The following DHX16 variants were observed in gnomAD, a reference collection of about 807,000 sequenced individuals.
The protein encoded by DHX16 is pre-mRNA-splicing factor ATP-dependent RNA helicase DHX16.
A neutral mutation model predicts 131.2 loss-of-function variants in DHX16; 81 were observed. The ratio of observed to expected loss-of-function variants is 0.62; its 90% CI spans 0.52 to 0.74. The LOEUF is 0.74. Ranked by LOEUF, DHX16 falls within the 30% of genes least tolerant of loss-of-function variation. DHX16 has a pLI of 0.00. For synonymous variants in DHX16, 440 were observed against 520.2 expected (o/e 0.85, Z 2.10); for missense variants, 980 against 1,363.1 (o/e 0.72, Z 4.43).
rs1486266247 is a variant in DHX16, at chr6:30,665,047, A to G, written c.1125+24T>C. On this transcript the variant is annotated intron_variant, in intron 6 of 19. Transcript: ENST00000376442. The surrounding 1 kb of genome is among the most constrained non-coding windows in gnomAD (Gnocchi z 4.8). ...ATAGCTCGCTACGGGTCTTCCTCAG[A>G]AAGTCTCCCAGCTCCCCTCTTACCT... is the stretch of plus-strand genomic sequence containing the variant. 21 of 1,613,852 alleles carry G rather than the reference A, an allele frequency of 1.3e-5. No individual in the cohort carries two copies. Among genetic ancestry groups the G allele is most frequent in the East Asian group, 2.2e-5 (1 of 44,876 alleles).
At position 30,665,084 on chromosome 6, in the gene DHX16, A is replaced by T. The variant is rs1399312321; in HGVS notation, c.1112T>A (p.Leu371His). ...ETIEFVRATQ[L>H]QGDEEPSAPP... ...CTCCCCTCTTACCTCATCACCCTGGAGCTGAGTGGCCCGGACAAACTCAAT... is the reference window on the plus strand; with the variant it reads ...CTCCCCTCTTACCTCATCACCCTGGTGCTGAGTGGCCCGGACAAACTCAAT... The change falls in exon 6 of 20, where the codon CTC becomes CAC. Residue 371 changes from leucine to histidine, a missense_variant. This residue lies in a region of DHX16 where 457 missense variants were observed against 554.8 expected (regional missense o/e 0.82). Transcript: ENST00000376442. This position sits in a 1 kb window ranked among gnomAD's most constrained non-coding sequence, Gnocchi z 4.8. 1.9e-6 allele frequency: 3 copies of T among 1,613,888 alleles called. No homozygotes were observed. In the Admixed American group the frequency reaches 5.0e-5, roughly 27 times the overall value.
Position 30,655,215 on chromosome 6 carries a change from C to T in DHX16, c.2783G>A (p.Gly928Asp). The T allele has an allele frequency of 6.2e-7, 1 of 1,614,174 alleles. No individual in the cohort carries two copies. The highest frequency in any genetic ancestry group is 8.5e-7 in the Non-Finnish European group (1 of 1,180,030). ...ATAGTCCCCCTGGCAGGAACTGAGA[C>T]CAACTTCCACACGTTCCAAGAGCCC... ...LEGLLERVEV[G>D]LSSCQGDYIR... The change falls in exon 18 of 20, where the codon GGT becomes GAT. Residue 928 changes from glycine (G) to aspartate (D), a missense_variant. Physicochemically the swap from Gly to Asp is moderately conservative, Grantham distance 94. This residue lies in a region of DHX16 where 214 missense variants were observed against 271.2 expected (regional missense o/e 0.79). Transcript: ENST00000376442.
chr6:30,672,271 ATC>A (rs1227859797), intron 1 of DHX16, among the ~76,000 whole-genome samples: 3 of 151,520 alleles, frequency 2.0e-5, no homozygotes, highest in Non-Finnish European at 4.4e-5. Flanking sequence ...GTGAGCCGTG[ATC>A]TTACGACCGC....
At chr6:30,660,367 G>A (rs935463155) in intron 9 of DHX16, 125 bp from the exon 10 acceptor site, 31 of 777,872 alleles carry the variant, frequency 4.0e-5, no homozygotes, top group Admixed American at 3.3e-4. Flanking sequence ...TTGACGGAGG[G>A]GGCTCTAAGG....
chr6:30,656,507 T>A lies in DHX16; in HGVS notation c.2314A>T (p.Ile772Phe). ...AAATCAAAGTGCATTAGGTCATGGA[T>A]CCCTAGAAAGAGGTGTGATGGATGG... ...NVVLLLKSLG[I>F]HDLMHFDFLD... Residue 772 changes from isoleucine (I) to phenylalanine (F), a missense_variant and splice_region_variant, in exon 15 of 20, where the codon ATC becomes TTC. This residue lies in a region of DHX16 where 309 missense variants were observed against 537.1 expected (regional missense o/e 0.58). Transcript: ENST00000376442. This position sits in a 1 kb window ranked among gnomAD's most constrained non-coding sequence, Gnocchi z 5.1. The A allele has an allele frequency of 6.2e-7, 1 of 1,614,100 alleles. No individual in the cohort carries two copies. The highest frequency in any genetic ancestry group is 8.5e-7 in the Non-Finnish European group (1 of 1,179,984).
Position 30,665,065 on chromosome 6 carries a change from T to C in DHX16, c.1125+6A>G. On this transcript the variant is annotated splice_donor_region_variant and intron_variant, in intron 6 of 19. Coordinates refer to ENST00000376442, the MANE Select transcript of DHX16 (RefSeq NM_003587.5). This position sits in a 1 kb window ranked among gnomAD's most constrained non-coding sequence, Gnocchi z 4.8. The stretch of plus-strand genomic sequence containing the variant: ...TCCTCAGAAAGTCTCCCAGCTCCCC[T>C]CTTACCTCATCACCCTGGAGCTGAG... The C allele has an allele frequency of 6.2e-7, 1 of 1,613,942 alleles. No homozygotes were observed.
At position 30,671,276 on chromosome 6, in the gene DHX16, T is replaced by C; in HGVS notation, c.208-2A>G. 6.2e-7 allele frequency: 1 copy of C among 1,612,384 alleles called. No individual in the cohort carries two copies. On this transcript the variant is annotated splice_acceptor_variant, in intron 1 of 19. Coordinates refer to ENST00000376442, the MANE Select transcript of DHX16 (RefSeq NM_003587.5). LOFTEE classifies it high-confidence loss of function. Reference sequence around the variant, plus strand: ...TTCTACCACTGCCTTTCGTGGTACCTGTCAGTAGAGGGGAAGATAAGGAGG... The same window carrying C: ...TTCTACCACTGCCTTTCGTGGTACCCGTCAGTAGAGGGGAAGATAAGGAGG...
At chr6:30,661,720 T>C (rs978189251) in intron 9 of DHX16, 6 of 715,900 alleles carry the variant, frequency 8.4e-6, no homozygotes, top group Non-Finnish European at 1.6e-5. Flanking sequence ...CATCTTCCCC[T>C]ACCCACCTCC....
intron 12 of DHX16, 92 bp downstream of exon 12, chr6:30,659,380 C>T (rs1168344963): frequency 2.2e-6 from 3 of 1,370,384 alleles, no homozygotes; most frequent in Non-Finnish European, 3.0e-6. Flanking sequence ...CAGCAGTGCG[C>T]AGGACTCACC....
chr6:30,660,071 G>C lies in DHX16; in HGVS notation c.1716C>G (p.Ile572Met). ...TGTCCACAGGAAACCTGCGTCCGGG[G>C]ATTCGAAACACAGGGGCGTCATCAA... ...TFFDDAPVFR[I>M]PGRRFPVDIF... Residue 572 changes from isoleucine (I) to methionine (M), a missense_variant, in exon 10 of 20, where the codon ATC becomes ATG. By Grantham distance (10) the Ile-to-Met change is conservative. Around this residue, in one of 3 missense-constraint regions of DHX16, gnomAD observed 309 missense variants for 537.1 expected, o/e 0.58. Transcript: ENST00000376442. 6.2e-7 allele frequency: 1 copy of C among 1,612,918 alleles called. No homozygotes were observed. Among genetic ancestry groups the C allele is most frequent in the East Asian group, 2.2e-5 (1 of 44,884 alleles).
rs1348687007 is a variant in DHX16 at position 30,653,259 on chromosome 6, G to A, written c.3109C>T (p.Arg1037Ter). The A allele has an allele frequency of 7.4e-6, 12 of 1,612,730 alleles. No individual in the cohort carries two copies. Among genetic ancestry groups the A allele is most frequent in the Middle Eastern group, 1.6e-4 (1 of 6,084 alleles). ...TCCTTCTCTTACCCTAGCTCTTCTCGTGTTTTGCCTATTTTTTTGGGCATT... is the reference window on the plus strand; with the variant it reads ...TCCTTCTCTTACCCTAGCTCTTCTCATGTTTTGCCTATTTTTTTGGGCATT... Reference protein sequence around the residue: ...KKMPKKIGKTREELG With the variant: ...KKMPKKIGKT The change falls in exon 20 of 20, where the codon CGA (arginine) becomes TGA (stop). Residue 1037 changes from arginine to a stop codon, truncating the protein, a stop_gained. Transcript: ENST00000376442. LOFTEE classifies it high-confidence loss of function.
At position 30,653,174 on chromosome 6, in the gene DHX16, T is replaced by A; in HGVS notation, c.*68A>T. 6.6e-7 allele frequency: 1 copy of A among 1,523,312 alleles called. No homozygotes were observed. The highest frequency in any genetic ancestry group is 2.3e-5 in the East Asian group (1 of 43,510). The allele number at this position is 1,523,312 out of a possible 1,614,324, so 94.4% of individuals were successfully genotyped here. ...AAGCTTTATTCCAAAAATAATTTTATTTAATAGGTATTAAATAATGTATAG... is the reference window on the plus strand; with the variant it reads ...AAGCTTTATTCCAAAAATAATTTTAATTAATAGGTATTAAATAATGTATAG... On this transcript the variant is annotated 3_prime_UTR_variant, in exon 20 of 20. Coordinates refer to ENST00000376442, the MANE Select transcript of DHX16 (RefSeq NM_003587.5).
At chr6:30,658,918 G>A (rs191550216) in intron 12 of DHX16, among the ~76,000 whole-genome samples, 37 of 151,736 alleles carry the variant, frequency 2.4e-4, no homozygotes, top group Admixed American at 6.6e-4. Flanking sequence ...ATGGAGTCTC[G>A]CATTGTCACC....
intron 4 of DHX16, among the ~76,000 whole-genome samples, chr6:30,667,541 C>A (rs1769157918): frequency 6.7e-6 from 1 of 149,000 alleles, no homozygotes; most frequent in Non-Finnish European, 1.5e-5. Context: ...GAGATCGCAC[C>A]GTTGCACTCC....
In DHX16 at chr6:30,665,374, G is replaced by A. The variant is rs761349481; in HGVS notation, c.922-100C>T. The A allele has an allele frequency of 3.9e-5, 62 of 1,582,038 alleles. No homozygotes were observed. In the Middle Eastern group the frequency reaches 5.5e-4, roughly 14 times the overall value. On this transcript the variant is annotated intron_variant, in intron 5 of 19. Coordinates refer to ENST00000376442, the MANE Select transcript of DHX16 (RefSeq NM_003587.5). This position sits in a 1 kb window ranked among gnomAD's most constrained non-coding sequence, Gnocchi z 4.8. ...CCCCCGCCCACTGCCCATTGGGAACGGCAAGGCAAGAAAGGGGATGACCCA... is the reference window on the plus strand; with the variant it reads ...CCCCCGCCCACTGCCCATTGGGAACAGCAAGGCAAGAAAGGGGATGACCCA...
At chr6:30,661,820 T>C (rs199563141) in intron 9 of DHX16, 2 of 717,884 alleles carry the variant, frequency 2.8e-6, no homozygotes, top group Non-Finnish European at 5.2e-6. Flanking sequence ...GGCAAAAACA[T>C]CTGCATCAGA....
rs768388040 is a variant in DHX16 at position 30,664,859 on chromosome 6, A to G, written c.1259T>C (p.Ile420Thr). The G allele has an allele frequency of 3.8e-5, 61 of 1,613,038 alleles. No individual in the cohort carries two copies. Among genetic ancestry groups the G allele is most frequent in the Non-Finnish European group, 4.7e-5 (56 of 1,180,034 alleles). The change falls in exon 7 of 20, where the codon ATT (isoleucine) becomes ACT (threonine). Residue 420 changes from isoleucine (I) to threonine (T), a missense_variant. Coordinates refer to ENST00000376442, the MANE Select transcript of DHX16 (RefSeq NM_003587.5). ...CTTCCCTGAGCCTGTCTCGCCTTCA[A>G]TGATGAGGACTTGGTGATTTGCAAT... ...AAIANHQVLI[I>T]EGETGSGKTT... is the part of the protein sequence containing the mutation.
Position 30,662,501 on chromosome 6 carries a change from T to C in DHX16, c.1544+126A>G. 1.4e-6 allele frequency: 1 copy of C among 731,684 alleles called. No individual in the cohort carries two copies. The highest frequency in any genetic ancestry group is 2.7e-5 in the East Asian group (1 of 37,174). The allele number at this position is 731,684 out of a possible 1,614,324, so 45.3% of individuals were successfully genotyped here. A position where few individuals can be genotyped will look rare whatever the true frequency, so the allele number is the denominator to read the frequency against. ...CTGTCCTCCAGCCCCATCTCCGTGG[T>C]ACCTGGAGGTCAGTTCAAGGACCAT... On this transcript the variant is annotated intron_variant, in intron 9 of 19. Coordinates refer to ENST00000376442, the MANE Select transcript of DHX16 (RefSeq NM_003587.5). The surrounding 1 kb of genome is among the most constrained non-coding windows in gnomAD (Gnocchi z 4.7).
chr6:30,671,388 GC>G, intron 1 of DHX16, 114 bp from the exon 2 acceptor site: 1 of 991,550 alleles, frequency 1.0e-6, no homozygotes, highest in Non-Finnish European at 1.5e-6. Flanking sequence ...CCGCGGCCCG[GC>G]CCCACTGTCA....
Sources: allele counts gnomAD v4.1 joint callset (sites outside exome capture counted in the v4.1 genomes callset), GRCh38; gene constraint gnomAD v4.1.1; regional missense constraint gnomAD v4.1.1; non-coding constraint Gnocchi (gnomAD v3.1); transcripts MANE v1.5; gene names NCBI Gene and HGNC (gene_info 2026-07-23, HGNC 2026-07-21).